C1QTNF3: variants seen among roughly 807,000 people sequenced by gnomAD.
The protein encoded by C1QTNF3 is complement C1q tumor necrosis factor-related protein 3.
A neutral mutation model predicts 32.6 loss-of-function variants in C1QTNF3; 26 were observed. That is an observed-to-expected ratio of 0.80 (90% confidence interval 0.58 to 1.11). C1QTNF3 has a LOEUF of 1.11. Ranked by LOEUF, C1QTNF3 falls within the 50% of genes least tolerant of loss-of-function variation. C1QTNF3 has a pLI of 0.00. For synonymous variants in C1QTNF3, 155 were observed against 146.0 expected (o/e 1.06, Z -0.44); for missense variants, 362 against 398.2 (o/e 0.91, Z 0.77).
the C1QTNF3 span, among the ~76,000 whole-genome samples, chr5:34,213,730 A>ATATATG: frequency 4.4e-5 from 3 of 68,430 alleles, no homozygotes; most frequent in Non-Finnish European, 7.5e-5. Context: ...ATATATATAC[A>ATATATG]CGTATATATA....
the C1QTNF3 span, among the ~76,000 whole-genome samples, chr5:34,087,570 CTTTTTTTTTTT>C: frequency 2.3e-4 from 16 of 70,030 alleles, 1 homozygote; most frequent in East Asian, 3.9e-3. Flanking sequence ...ACGCTTTTGT[CTTTTTTTTTTT>C]TTTTTTTTTT....
chr5:34,087,860 A>G, the C1QTNF3 span, among the ~76,000 whole-genome samples: 1 of 152,266 alleles, frequency 6.6e-6, no homozygotes, highest in African/African-American at 2.4e-5. Context: ...CTGGGATTAC[A>G]GGCATGAGCC....
At chr5:34,154,447 G>C in the C1QTNF3 span, among the ~76,000 whole-genome samples, 39 of 152,090 alleles carry the variant, frequency 2.6e-4, no homozygotes, top group Non-Finnish European at 4.4e-5. Flanking sequence ...CTGTGTCCTT[G>C]TCTCAAAATG....
the C1QTNF3 span, among the ~76,000 whole-genome samples, chr5:34,058,869 G>A: frequency 3.3e-5 from 5 of 152,190 alleles, no homozygotes; most frequent in African/African-American, 1.2e-4. Flanking sequence ...ATATGCAGGA[G>A]TCCTCTCCAA....
At chr5:34,031,032 G>A (rs1754600170) in intron 3 of C1QTNF3, among the ~76,000 whole-genome samples, 1 of 151,826 alleles carries the variant, frequency 6.6e-6, no homozygotes, top group Non-Finnish European at 1.5e-5. Flanking sequence ...AAATCCCCAC[G>A]ACACAAGTTT....
At chr5:34,066,231 G>C in the C1QTNF3 span, among the ~76,000 whole-genome samples, 1 of 152,140 alleles carries the variant, frequency 6.6e-6, no homozygotes, top group African/African-American at 2.4e-5. Context: ...GCTGGTGCCA[G>C]CTGCAACCAA....
chr5:34,093,867 C>CG, the C1QTNF3 span, among the ~76,000 whole-genome samples: 3 of 152,184 alleles, frequency 2.0e-5, no homozygotes, highest in Non-Finnish European at 4.4e-5. Flanking sequence ...CTCCGACCTT[C>CG]GGGTAGGGAT....
At chr5:34,033,494 A>C in intron 2 of C1QTNF3, 36 bp from the exon 3 acceptor site, 1 of 1,613,708 alleles carries the variant, frequency 6.2e-7, no homozygotes, top group Non-Finnish European at 8.5e-7. Context: ...GAGAAAACCC[A>C]GTCACTCATA....
At chr5:34,114,537 T>G in the C1QTNF3 span, among the ~76,000 whole-genome samples, 1 of 152,202 alleles carries the variant, frequency 6.6e-6, no homozygotes, top group African/African-American at 2.4e-5. Flanking sequence ...TATTTTCCTG[T>G]GTAAAGCCTA....
the C1QTNF3 span, among the ~76,000 whole-genome samples, chr5:34,052,313 T>C: frequency 8.5e-5 from 13 of 152,344 alleles, no homozygotes; most frequent in African/African-American, 3.1e-4. Flanking sequence ...TTTGCAGTAC[T>C]TTCCAAATTA....
the C1QTNF3 span, among the ~76,000 whole-genome samples, chr5:34,057,184 C>T: frequency 2.0e-5 from 3 of 152,192 alleles, no homozygotes; most frequent in Non-Finnish European, 2.9e-5. Flanking sequence ...CCAAAGACCA[C>T]ACTTTGAAAA....
the C1QTNF3 span, among the ~76,000 whole-genome samples, chr5:34,096,031 A>C: frequency 6.6e-6 from 1 of 151,998 alleles, no homozygotes. Context: ...ATGACCCTAA[A>C]GTTTTAGCAT....
chr5:34,047,029 T>TA (rs1754997948), upstream of C1QTNF3, among the ~76,000 whole-genome samples: 1 of 152,254 alleles, frequency 6.6e-6, no homozygotes, highest in African/African-American at 2.4e-5. Flanking sequence ...TCCTTATGTC[T>TA]AGTTTTCAAA....
upstream of C1QTNF3, among the ~76,000 whole-genome samples, chr5:34,044,237 G>A (rs1291236916): frequency 1.3e-5 from 2 of 152,070 alleles, no homozygotes; most frequent in Non-Finnish European, 2.9e-5. Flanking sequence ...ATTGCTTCAG[G>A]ATAATAAATT....
At chr5:34,021,610 G>A (rs1754330893) in intron 5 of C1QTNF3, among the ~76,000 whole-genome samples, 1 of 152,204 alleles carries the variant, frequency 6.6e-6, no homozygotes, top group South Asian at 2.1e-4. Context: ...GCCCTTTGCA[G>A]GGACATGCAT....
At chr5:34,052,673 C>CA in the C1QTNF3 span, among the ~76,000 whole-genome samples, 1 of 152,174 alleles carries the variant, frequency 6.6e-6, no homozygotes, top group Admixed American at 6.5e-5. Flanking sequence ...ATTGCTGCAG[C>CA]AAAACACTTT....
the C1QTNF3 span, among the ~76,000 whole-genome samples, chr5:34,102,551 GA>G: frequency 2.2e-5 from 3 of 134,716 alleles, no homozygotes; most frequent in Admixed American, 7.6e-5. Context: ...TTCTTGATGC[GA>G]ATTTTTTTTT....
chr5:34,209,162 T>TA, the C1QTNF3 span, among the ~76,000 whole-genome samples: 1 of 152,222 alleles, frequency 6.6e-6, no homozygotes, highest in African/African-American at 2.4e-5. Flanking sequence ...CTCGAATGAA[T>TA]ATGCTGGTAA....
chr5:34,184,742 A>T, the C1QTNF3 span, among the ~76,000 whole-genome samples: 2 of 152,300 alleles, frequency 1.3e-5, no homozygotes, highest in African/African-American at 4.8e-5. Flanking sequence ...AAAAAATTTG[A>T]ATTTTGTTTA....
Sources: gnomAD v4.1 joint callset for allele counts (sites outside exome capture counted in the v4.1 genomes callset) on GRCh38, gnomAD v4.1.1 for gene constraint, MANE v1.5 for transcripts, NCBI Gene and HGNC (gene_info 2026-07-23, HGNC 2026-07-21) for gene names.